Variants in ADGRL2 observed in about 807,000 individuals in gnomAD.
ADGRL2 encodes calcium-independent alpha-latrotoxin receptor 2.
A neutral mutation model predicts 157.4 loss-of-function variants in ADGRL2; 44 were observed. The observed-to-expected ratio is 0.28, with a 90% CI of 0.22 to 0.36. The LOEUF (loss-of-function observed/expected upper bound fraction) is 0.36, where lower values mean the gene tolerates loss of function less well. ADGRL2 is among the 10% of genes least tolerant of loss of function. The probability of loss-of-function intolerance (pLI) is 1.00; values close to 1 mark genes in which losing one functional copy is unlikely to be tolerated. For missense variants in ADGRL2, 1,510 were observed against 1,768.9 expected, an observed-to-expected ratio of 0.85 and a Z score of 2.63; for synonymous variants, 585 against 624.7, an observed-to-expected ratio of 0.94 and a Z score of 0.95.
chr1:81,617,682 C>T (rs2081691054), intron 3 of ADGRL2, among the ~76,000 whole-genome samples: 2 of 152,212 alleles, frequency 1.3e-5, no homozygotes, highest in Non-Finnish European at 2.9e-5. Context: ...ACAGAGTTGG[C>T]TTCTTAATTG....
At chr1:81,521,272 T>C (rs757610363) in intron 2 of ADGRL2, among the ~76,000 whole-genome samples, 2 of 152,230 alleles carry the variant, frequency 1.3e-5, no homozygotes, top group Admixed American at 6.5e-5. Context: ...TATATAGTGA[T>C]GTGGAAAATG....
chr1:81,787,707 G>A (rs1008632487), intron 2 of ADGRL2, among the ~76,000 whole-genome samples: 6 of 151,988 alleles, frequency 3.9e-5, no homozygotes, highest in African/African-American at 9.7e-5. Context: ...GTGGTGGGAA[G>A]TGGTGACAGG....
intron 1 of ADGRL2, among the ~76,000 whole-genome samples, chr1:81,336,309 C>T (rs1278596312): frequency 6.6e-6 from 1 of 152,150 alleles, no homozygotes; most frequent in East Asian, 1.9e-4. Flanking sequence ...TGATACTAAT[C>T]AAGGATTAGA....
At chr1:81,641,161 A>G (rs1269360139) in intron 3 of ADGRL2, among the ~76,000 whole-genome samples, 1 of 152,182 alleles carries the variant, frequency 6.6e-6, no homozygotes, top group Non-Finnish European at 1.5e-5. Flanking sequence ...TTTTAAAAAT[A>G]TATATAAGGC....
At position 81,822,241 on chromosome 1, in the gene ADGRL2, C is replaced by T. The variant is rs559978613; in HGVS notation, c.-100-14644C>T. 8.6e-5 allele frequency among the ~76,000 whole-genome samples: 13 copies of T among 151,494 alleles called. No individual in the cohort carries two copies. The East Asian group carries it at 1.9e-3, about 23-fold the overall frequency. ...AAAAGTGTTTTCTACACATGTTTCC[C>T]GCTATCAGAAAAAAATCACTGTTAA... On this transcript the variant is annotated intron_variant, in intron 1 of 23. Transcript: ENST00000686636.
At chr1:81,895,587 G>T (rs2094368332) in intron 2 of ADGRL2, among the ~76,000 whole-genome samples, 2 of 151,642 alleles carry the variant, frequency 1.3e-5, no homozygotes, top group Non-Finnish European at 1.5e-5. Context: ...TAGAGACGGG[G>T]TTTCACCATG....
rs115586152 is a variant in ADGRL2 at position 81,590,334 on chromosome 1, C to T, written c.-143+9354C>T. Among the ~76,000 whole-genome samples the T allele has an allele frequency of 5.9e-3, 903 of 152,216 alleles. 14 individuals carry two copies. Among genetic ancestry groups the T allele is most frequent in the African/African-American group, 0.02 (850 of 41,554 alleles). On this transcript the variant is annotated intron_variant, in intron 3 of 24. Transcript: ENST00000370721. The stretch of plus-strand genomic sequence containing the variant: ...TATGAACCAATACCCTTGTTGGTGA[C>T]TCATCTATCTTGCCCTTTCACATAG...
At chr1:81,498,119 G>A (rs1357921048) in intron 2 of ADGRL2, among the ~76,000 whole-genome samples, 3 of 152,176 alleles carry the variant, frequency 2.0e-5, no homozygotes, top group Non-Finnish European at 4.4e-5. Flanking sequence ...TATTCCATTG[G>A]TAGATGGATG....
At chr1:81,488,551 A>G (rs2078559322) in intron 2 of ADGRL2, among the ~76,000 whole-genome samples, 1 of 137,244 alleles carries the variant, frequency 7.3e-6, no homozygotes, top group South Asian at 2.4e-4. Context: ...AAAAAAAAAA[A>G]TACAAAAATT....
At chr1:81,726,397 T>C (rs1004861777) in intron 1 of ADGRL2, among the ~76,000 whole-genome samples, 3 of 152,200 alleles carry the variant, frequency 2.0e-5, no homozygotes, top group African/African-American at 7.2e-5. Context: ...ATCTACTATG[T>C]CCCATACAGT....
At chr1:81,936,467 A>G (rs2095312148) in intron 3 of ADGRL2, among the ~76,000 whole-genome samples, 1 of 151,922 alleles carries the variant, frequency 6.6e-6, no homozygotes, top group Non-Finnish European at 1.5e-5. Context: ...TAAAATGTAT[A>G]ACAATGATAG....
intron 1 of ADGRL2, among the ~76,000 whole-genome samples, chr1:81,802,041 G>C (rs1161676843): frequency 3.3e-5 from 5 of 150,544 alleles, no homozygotes; most frequent in Non-Finnish European, 7.4e-5. Context: ...GCAGGAGGAC[G>C]CGCCGAGCTG....
intron 3 of ADGRL2, among the ~76,000 whole-genome samples, chr1:81,910,820 C>T (rs1346703333): frequency 1.3e-5 from 2 of 151,372 alleles, no homozygotes; most frequent in African/African-American, 4.8e-5. Flanking sequence ...GATATTCAGT[C>T]ATGTAGTGAT....
At chr1:81,942,846 A>G (rs575764211) in intron 5 of ADGRL2, 123 bp from the exon 6 acceptor site, 6 of 764,036 alleles carry the variant, frequency 7.9e-6, no homozygotes, top group South Asian at 7.1e-5. Flanking sequence ...TGAAGTATAC[A>G]TTTTGGTAAA....
chr1:81,434,091 C>T (rs2077368923), intron 1 of ADGRL2, among the ~76,000 whole-genome samples: 1 of 152,136 alleles, frequency 6.6e-6, no homozygotes, highest in Admixed American at 6.5e-5. Flanking sequence ...TCTTCTGCCC[C>T]ACTCTATGCA....
intron 1 of ADGRL2, among the ~76,000 whole-genome samples, chr1:81,436,035 C>T (rs988625016): frequency 1.3e-5 from 2 of 152,088 alleles, no homozygotes; most frequent in African/African-American, 2.4e-5. Flanking sequence ...GCAGATGTTG[C>T]GGTGAGCCGA....
At chr1:81,378,063 C>T (rs970907973) in intron 1 of ADGRL2, among the ~76,000 whole-genome samples, 1 of 152,008 alleles carries the variant, frequency 6.6e-6, no homozygotes, top group Non-Finnish European at 1.5e-5. Context: ...CCTGTAGCCC[C>T]AGCTACTCAG....
At chr1:81,664,525 C>G (rs969438166) in intron 3 of ADGRL2, among the ~76,000 whole-genome samples, 1 of 152,114 alleles carries the variant, frequency 6.6e-6, no homozygotes. Context: ...ATGAATGGTA[C>G]TAAACCTTTT....
chr1:81,731,351 T>C (rs2084717443), intron 1 of ADGRL2, among the ~76,000 whole-genome samples: 1 of 152,174 alleles, frequency 6.6e-6, no homozygotes, highest in Non-Finnish European at 1.5e-5. Flanking sequence ...GGCTTTCTAA[T>C]CTATCAATTT....
Sources: allele counts gnomAD v4.1 joint callset (sites outside exome capture counted in the v4.1 genomes callset), GRCh38; gene constraint gnomAD v4.1.1; transcripts MANE v1.5; gene names NCBI Gene and HGNC (gene_info 2026-07-23, HGNC 2026-07-21).